Variants in NEBL observed in about 807,000 individuals in gnomAD.
NEBL encodes the protein nebulette, also known as LIM and SH3 protein 2.
In NEBL, 122 loss-of-function variants were observed where a neutral mutation model predicts 140.2. The observed-to-expected ratio is 0.87, with a 90% CI of 0.75 to 1.01. The LOEUF (loss-of-function observed/expected upper bound fraction) is 1.01. Among genes scored for constraint, NEBL ranks in the 50% least tolerant of loss-of-function variants. The pLI is 0.00. For synonymous variants in NEBL, 436 were observed against 398.9 expected, an observed-to-expected ratio of 1.09 and a Z score of -1.11; for missense variants, 1,365 against 1,231.3, an observed-to-expected ratio of 1.11 and a Z score of -1.62.
At chr10:21,249,811 C>T (rs1842563611) in intron 2 of NEBL, among the ~76,000 whole-genome samples, 1 of 152,078 alleles carries the variant, frequency 6.6e-6, no homozygotes, top group East Asian at 1.9e-4. Flanking sequence ...CACCTGCAAT[C>T]CCAGCACTTC....
rs1258771628 is a variant in NEBL at position 20,780,126 on chromosome 10, G to A, written c.*5621C>T. ...TAGATTTATATGAGTGTGAAAAATA[G>A]GGACTCACTTTTTCAATTATGGGAA... is the stretch of plus-strand genomic sequence containing the variant. On this transcript the variant is annotated 3_prime_UTR_variant, in exon 28 of 28. Transcript: ENST00000377122. 2 of 152,136 alleles carry A rather than the reference G, an allele frequency of 1.3e-5. No homozygotes were observed. The highest frequency in any genetic ancestry group is 2.4e-5 in the African/African-American group (1 of 41,434). The allele number at this position is 152,136 out of a possible 1,614,324, so 9.4% of individuals were successfully genotyped here.
rs1846873360 is a variant in NEBL, at chr10:20,889,888, G to A, written c.215C>T (p.Pro72Leu). Residue 72 changes from proline to leucine, a missense_variant, in exon 3 of 28, where the codon CCT (proline) becomes CTT (leucine). By Grantham distance (98) the Pro-to-Leu change is moderately conservative. Transcript: ENST00000377122. Reference protein sequence around the residue: ...KDKCTFVTDSPMLNHVKNIGA... With the variant: ...KDKCTFVTDSLMLNHVKNIGA... ...GATATTTTTTACATGGTTTAGCATA[G>A]GACTGTCAGTCACAAATGTACACTT... 4 of 1,612,966 alleles carry A rather than the reference G, an allele frequency of 2.5e-6. No individual in the cohort carries two copies. In the East Asian group the frequency reaches 6.7e-5, roughly 27 times the overall value.
At chr10:20,864,827 C>A (rs1182923941) in intron 7 of NEBL, among the ~76,000 whole-genome samples, 1 of 152,170 alleles carries the variant, frequency 6.6e-6, no homozygotes, top group African/African-American at 2.4e-5. Flanking sequence ...ATGGAATACA[C>A]TGAGTTCATC....
At position 21,266,965 on chromosome 10, in the gene NEBL, T is replaced by TG. The variant is rs922351492; in HGVS notation, n.183-15138dup. ...ATAATTTTTGTTTTTTTTGTTTATT[T>TG]GGGGTTTTTTTTGTTTTTTGTTTTT... On this transcript the variant is annotated intron_variant and non_coding_transcript_variant, in intron 1 of 8. Transcript: ENST00000675702. Among the ~76,000 whole-genome samples the TG allele has an allele frequency of 2.0e-5, 3 of 151,786 alleles. No individual in the cohort carries two copies. In the East Asian group the frequency reaches 5.8e-4, roughly 29 times the overall value.
intron 2 of NEBL, among the ~76,000 whole-genome samples, chr10:21,090,418 T>A (rs1039703486): frequency 6.6e-6 from 1 of 152,170 alleles, no homozygotes; most frequent in African/African-American, 2.4e-5. Flanking sequence ...ATTTACATTG[T>A]ATTAGGTATT....
intron 2 of NEBL, among the ~76,000 whole-genome samples, chr10:21,070,912 C>A (rs2131903223): frequency 6.6e-6 from 1 of 152,228 alleles, no homozygotes; most frequent in East Asian, 1.9e-4. Flanking sequence ...GGCAGTGGCT[C>A]ACACCTGTAA....
chr10:21,195,199 C>T (rs1424210136), intron 3 of NEBL, among the ~76,000 whole-genome samples: 1 of 152,120 alleles, frequency 6.6e-6, no homozygotes, highest in African/African-American at 2.4e-5. Context: ...CTAGAAATGT[C>T]AGTAGATACA....
chr10:20,940,980 G>A (rs1037972374), intron 4 of NEBL, among the ~76,000 whole-genome samples: 1 of 152,174 alleles, frequency 6.6e-6, no homozygotes, highest in Non-Finnish European at 1.5e-5. Context: ...GGACCAGATG[G>A]ATTCACAGCC....
chr10:20,920,344 A>G (rs1833521176), intron 4 of NEBL, among the ~76,000 whole-genome samples: 1 of 152,234 alleles, frequency 6.6e-6, no homozygotes, highest in African/African-American at 2.4e-5. Context: ...ATAAATATAC[A>G]AGACTATTCA....
intron 4 of NEBL, among the ~76,000 whole-genome samples, chr10:20,956,415 C>A (rs964500648): frequency 6.6e-6 from 1 of 152,034 alleles, no homozygotes; most frequent in African/African-American, 2.4e-5. Context: ...CTACTGACCC[C>A]ACTATTTACT....
In NEBL at chr10:20,812,859, T is replaced by C. The variant is rs746326308; in HGVS notation, c.2428A>G (p.Arg810Gly). The change falls in exon 24 of 28, where the codon AGG becomes GGG. Residue 810 changes from arginine (R) to glycine (G), a missense_variant. Physicochemically the swap from Arg to Gly is moderately radical, Grantham distance 125. Transcript: ENST00000377122. ...VVDDPVTERV[R>G]KNTQVVSDAA... is the part of the protein sequence containing the mutation. ...TCGCTGACCACCTGGGTGTTCTTCCTCACTCTCTCTGTCACAGGATCGTCC... is the reference window on the plus strand; with the variant it reads ...TCGCTGACCACCTGGGTGTTCTTCCCCACTCTCTCTGTCACAGGATCGTCC... 9 of 1,614,040 alleles carry C rather than the reference T, an allele frequency of 5.6e-6. No individual in the cohort carries two copies. The Middle Eastern group carries it at 9.9e-4, about 178-fold the overall frequency.
intron 2 of NEBL, among the ~76,000 whole-genome samples, chr10:21,099,026 G>A (rs377156789): frequency 2.6e-5 from 4 of 152,118 alleles, no homozygotes; most frequent in Non-Finnish European, 4.4e-5. Context: ...CTATCTACTC[G>A]GAAGGCTAAG....
intron 2 of NEBL, among the ~76,000 whole-genome samples, chr10:21,033,664 T>G (rs1045170182): frequency 2.7e-5 from 4 of 149,724 alleles, no homozygotes; most frequent in Admixed American, 6.7e-5. Flanking sequence ...CACTTGAACC[T>G]GGGAGGCAGA....
intron 26 of NEBL, among the ~76,000 whole-genome samples, chr10:20,787,704 G>C (rs950207765): frequency 6.6e-6 from 1 of 152,116 alleles, no homozygotes; most frequent in Non-Finnish European, 1.5e-5. Context: ...GAGTATAAGT[G>C]TTTTCACAGG....
At position 20,887,972 on chromosome 10, in the gene NEBL, T is replaced by G. The variant is rs1429825625; in HGVS notation, c.369+125A>C. 5 of 735,374 alleles carry G rather than the reference T, an allele frequency of 6.8e-6. No individual in the cohort carries two copies. The South Asian group carries it at 7.6e-5, about 11-fold the overall frequency. The allele number at this position is 735,374 out of a possible 1,614,324, so 45.6% of individuals were successfully genotyped here. A position where few individuals can be genotyped will look rare whatever the true frequency, so the allele number is the denominator to read the frequency against. ...CAACTACTGACAGCACATTAATCAGTTGCTTTCAACTTTCATTTGGTATTT... is the reference window on the plus strand; with the variant it reads ...CAACTACTGACAGCACATTAATCAGGTGCTTTCAACTTTCATTTGGTATTT... On this transcript the variant is annotated intron_variant, in intron 4 of 27. Transcript: ENST00000377122.
chr10:21,159,609 C>T (rs1840472816), intron 2 of NEBL, among the ~76,000 whole-genome samples: 1 of 152,218 alleles, frequency 6.6e-6, no homozygotes, highest in African/African-American at 2.4e-5. Context: ...GCAGATAACT[C>T]ATTGAAAAAG....
chr10:20,828,411 T>G, intron 17 of NEBL, 119 bp downstream of exon 17: 1 of 688,164 alleles, frequency 1.5e-6, no homozygotes, highest in Non-Finnish European at 2.7e-6. Context: ...ATAAAGATAA[T>G]ACACTTGACA....
At chr10:21,255,237 G>A (rs1449999668) in intron 1 of NEBL, among the ~76,000 whole-genome samples, 1 of 152,062 alleles carries the variant, frequency 6.6e-6, no homozygotes, top group Non-Finnish European at 1.5e-5. Context: ...GAGCGAGAAC[G>A]TCATGTCCTA....
intron 3 of NEBL, among the ~76,000 whole-genome samples, chr10:21,187,777 G>A (rs1033432548): frequency 6.6e-5 from 10 of 152,300 alleles, no homozygotes; most frequent in African/African-American, 1.7e-4. Flanking sequence ...GCCTCCCAAA[G>A]TGCTGGGATT....
Sources: gnomAD v4.1 joint callset for allele counts (sites outside exome capture counted in the v4.1 genomes callset) on GRCh38, gnomAD v4.1.1 for gene constraint, MANE v1.5 for transcripts, NCBI Gene and HGNC (gene_info 2026-07-23, HGNC 2026-07-21) for gene names.